INKA2: variants seen among roughly 807,000 people sequenced by gnomAD.
INKA2 encodes PAK4-inhibitor INKA2.
INKA2 carries 3 observed loss-of-function variants against 9.8 expected under a neutral mutation model. That is an observed-to-expected ratio of 0.31 (90% confidence interval 0.14 to 0.79). INKA2 has a LOEUF of 0.79. Ranked by LOEUF, INKA2 falls within the 30% of genes least tolerant of loss-of-function variation. The probability of loss-of-function intolerance (pLI) is 0.62; values close to 1 mark genes in which losing one functional copy is unlikely to be tolerated. For missense variants in INKA2, 392 were observed against 384.4 expected (o/e 1.02, Z -0.17); for synonymous variants, 147 against 143.3 (o/e 1.03, Z -0.18).
intron 1 of INKA2, among the ~76,000 whole-genome samples, chr1:111,728,919 T>TC (rs1662848217): frequency 1.3e-5 from 2 of 150,356 alleles, no homozygotes; most frequent in African/African-American, 2.5e-5. Flanking sequence ...TTTTTTTTTT[T>TC]CAAACAGGGT....
At chr1:111,729,525 G>C (rs570794511) in intron 1 of INKA2, among the ~76,000 whole-genome samples, 1 of 152,294 alleles carries the variant, frequency 6.6e-6, no homozygotes, top group East Asian at 1.9e-4. Context: ...GGGCGGGGTG[G>C]GGGCTGTGTC....
chr1:111,733,657 C>T (rs1351885315), intron 1 of INKA2, among the ~76,000 whole-genome samples: 4 of 152,172 alleles, frequency 2.6e-5, no homozygotes, highest in African/African-American at 9.7e-5. Flanking sequence ...TCCTGGACTT[C>T]CAGCCCTGAG....
At chr1:111,728,679 G>A (rs1313835338) in intron 1 of INKA2, among the ~76,000 whole-genome samples, 3 of 151,984 alleles carry the variant, frequency 2.0e-5, no homozygotes, top group Non-Finnish European at 2.9e-5. Context: ...TTAAAATATT[G>A]TATAAAATTA....
chr1:111,728,726 A>G (rs1422449516), intron 1 of INKA2, among the ~76,000 whole-genome samples: 3 of 152,220 alleles, frequency 2.0e-5, no homozygotes, highest in Non-Finnish European at 4.4e-5. Context: ...TATGAAACAT[A>G]AATTTCATGT....
At position 111,726,889 on chromosome 1, in the gene INKA2, G is replaced by T; in HGVS notation, c.*79C>A. ...GAGTTGGGCTTTCGAGAGCCATACC[G>T]CCCACCCTCCCTCCTCCCCAGGGGC... On this transcript the variant is annotated 3_prime_UTR_variant, in exon 2 of 2. Coordinates refer to ENST00000357260, the MANE Select transcript of INKA2 (RefSeq NM_019099.5). 1.4e-6 allele frequency: 2 copies of T among 1,407,090 alleles called. No homozygotes were observed. The highest frequency in any genetic ancestry group is 1.3e-5 in the South Asian group (1 of 74,988). The allele number at this position is 1,407,090 out of a possible 1,614,324, so 87.2% of individuals were successfully genotyped here. A position where few individuals can be genotyped will look rare whatever the true frequency, so the allele number is the denominator to read the frequency against.
intron 1 of INKA2, chr1:111,755,669 G>T: frequency 6.2e-7 from 1 of 1,612,576 alleles, no homozygotes; most frequent in South Asian, 1.1e-5. Context: ...CAGGCCCGCG[G>T]CGCCCTCTGC....
intron 1 of INKA2, chr1:111,747,818 A>G (rs1039355163): frequency 2.7e-5 from 4 of 149,022 alleles, no homozygotes; most frequent in Non-Finnish European, 5.9e-5. Context: ...GTGTATCCAT[A>G]TATGTGTGTG....
rs1662678731 is a variant in INKA2 at position 111,722,890 on chromosome 1, T to A, written c.*4078A>T. ...AGGGGATGGGTTGTCCAGTATCTGC[T>A]GAGCTTCTGCTGTATTCCAGGCAGT... is the stretch of plus-strand genomic sequence containing the variant. On this transcript the variant is annotated 3_prime_UTR_variant, in exon 2 of 2. Coordinates refer to ENST00000357260, the MANE Select transcript of INKA2 (RefSeq NM_019099.5). The A allele has an allele frequency of 9.0e-6, 5 of 555,978 alleles. No individual in the cohort carries two copies. Among genetic ancestry groups the A allele is most frequent in the Non-Finnish European group, 1.6e-5 (5 of 312,858 alleles). The allele number at this position is 555,978 out of a possible 1,614,324, so 34.4% of individuals were successfully genotyped here.
chr1:111,750,202 TTC>T (rs1279070194), intron 1 of INKA2, among the ~76,000 whole-genome samples: 1 of 152,190 alleles, frequency 6.6e-6, no homozygotes, highest in Non-Finnish European at 1.5e-5. Flanking sequence ...TCACCTGGGG[TTC>T]TCTTCCAAAG....
At chr1:111,730,520 G>A (rs1457091511) in intron 1 of INKA2, among the ~76,000 whole-genome samples, 1 of 152,078 alleles carries the variant, frequency 6.6e-6, no homozygotes, top group Non-Finnish European at 1.5e-5. Flanking sequence ...TGTCATCTCC[G>A]TGGCTCTCCA....
chr1:111,737,813 T>C (rs1411755580), intron 1 of INKA2, among the ~76,000 whole-genome samples: 1 of 152,178 alleles, frequency 6.6e-6, no homozygotes, highest in Non-Finnish European at 1.5e-5. Flanking sequence ...GAAATGATCG[T>C]TGATGTGAGC....
intron 1 of INKA2, among the ~76,000 whole-genome samples, chr1:111,734,304 C>T (rs1218934443): frequency 1.3e-5 from 2 of 152,158 alleles, no homozygotes; most frequent in African/African-American, 4.8e-5. Flanking sequence ...TCTTAGTCTC[C>T]GCAAGCCCTC....
chr1:111,728,160 G>A (rs1004186239), intron 1 of INKA2, among the ~76,000 whole-genome samples: 1 of 152,034 alleles, frequency 6.6e-6, no homozygotes, highest in African/African-American at 2.4e-5. Flanking sequence ...AAGATAGTAA[G>A]AGGTGGGGCT....
intron 1 of INKA2, 88 bp from the exon 2 acceptor site, chr1:111,727,892 A>C: frequency 7.8e-6 from 10 of 1,276,070 alleles, no homozygotes; most frequent in Non-Finnish European, 1.1e-5. Flanking sequence ...CCCCACCCAA[A>C]CATACACTTC....
upstream of INKA2, among the ~76,000 whole-genome samples, chr1:111,743,885 G>T (rs1663202827): frequency 6.6e-6 from 1 of 152,242 alleles, no homozygotes. Context: ...CATGCTGCCT[G>T]ATCATCAACA....
chr1:111,738,949 CCT>C (rs1663072063), intron 1 of INKA2, among the ~76,000 whole-genome samples: 1 of 152,186 alleles, frequency 6.6e-6, no homozygotes, highest in African/African-American at 2.4e-5. Context: ...TGGCTTGCTC[CCT>C]CTGTCTCTCT....
chr1:111,726,164 CT>C lies in INKA2; in HGVS notation c.*803del, dbSNP rs1028353993. The C allele has an allele frequency of 2.5e-6, 1 of 398,362 alleles. No individual in the cohort carries two copies. Among genetic ancestry groups the C allele is most frequent in the Non-Finnish European group, 4.4e-6 (1 of 225,912 alleles). The allele number at this position is 398,362 out of a possible 1,614,324, so 24.7% of individuals were successfully genotyped here. On this transcript the variant is annotated 3_prime_UTR_variant, in exon 2 of 2. Coordinates refer to ENST00000357260, the MANE Select transcript of INKA2 (RefSeq NM_019099.5). ...TTCCTGGACATGTAGCATATCTAGG[CT>C]TGTTTCCTTATCTGGAAAATGGGAT...
chr1:111,739,936 C>A (rs1239261254), upstream of INKA2: 3 of 152,336 alleles, frequency 2.0e-5, no homozygotes, highest in African/African-American at 7.2e-5. Context: ...CGCCGCTTGG[C>A]CGGTTCACGC....
At chr1:111,750,502 A>G (rs1663382435) in intron 1 of INKA2, among the ~76,000 whole-genome samples, 1 of 152,242 alleles carries the variant, frequency 6.6e-6, no homozygotes, top group South Asian at 2.1e-4. Flanking sequence ...AGAATATAAC[A>G]ATGAAAGTAC....
Sources: gnomAD v4.1 joint callset for allele counts (sites outside exome capture counted in the v4.1 genomes callset) on GRCh38, gnomAD v4.1.1 for gene constraint, MANE v1.5 for transcripts, NCBI Gene and HGNC (gene_info 2026-07-23, HGNC 2026-07-21) for gene names.